The following KNTC1 variants were observed in gnomAD, a reference collection of about 807,000 sequenced individuals.
KNTC1 encodes kinetochore associated 1, also known as kinetochore-associated protein 1.
In KNTC1, 253 loss-of-function variants were observed where a neutral mutation model predicts 314.4. That is an observed-to-expected ratio of 0.80 (90% CI 0.73 to 0.89). The LOEUF is 0.89. KNTC1 is among the 40% of genes least tolerant of loss of function. KNTC1 has a pLI of 0.00. For missense variants in KNTC1, 2,475 were observed against 2,572.9 expected, an observed-to-expected ratio of 0.96 and a Z score of 0.82; for synonymous variants, 901 against 901.4, an observed-to-expected ratio of 1.00 and a Z score of 0.01.
In KNTC1 at chr12:122,551,319, G is replaced by A. The variant is rs761603840; in HGVS notation, c.1087G>A (p.Asp363Asn). The A allele has an allele frequency of 9.6e-5, 149 of 1,556,212 alleles. 2 individuals carry two copies. The South Asian group carries it at 1.7e-3, about 17-fold the overall frequency. Residue 363 changes from aspartate to asparagine, a missense_variant and splice_region_variant, in exon 14 of 64, where the codon GAT becomes AAT. Transcript: ENST00000333479. ...TAATCATGTTTTTTTGTTATTGTAGGATACCATATACCTTTTAGAAGGAGT... is the reference window on the plus strand; with the variant it reads ...TAATCATGTTTTTTTGTTATTGTAGAATACCATATACCTTTTAGAAGGAGT... ...SSLVQTGISTDTIYLLEGVCK... is the reference protein window; with the variant it reads ...SSLVQTGISTNTIYLLEGVCK...
intron 20 of KNTC1, among the ~76,000 whole-genome samples, chr12:122,565,279 G>C (rs1964255045): frequency 7.3e-6 from 1 of 136,282 alleles, no homozygotes; most frequent in Non-Finnish European, 1.6e-5. Flanking sequence ...AGCTATTTCT[G>C]TGGTTTTATT....
chr12:122,619,081 G>A (rs1229748341), intron 59 of KNTC1, among the ~76,000 whole-genome samples: 3 of 148,744 alleles, frequency 2.0e-5, no homozygotes, highest in Admixed American at 6.8e-5. Flanking sequence ...TTTTTGAGAC[G>A]GAGTCTTGCT....
At chr12:122,608,214 A>T (rs2052679408) in intron 51 of KNTC1, among the ~76,000 whole-genome samples, 1 of 152,094 alleles carries the variant, frequency 6.6e-6, no homozygotes, top group Non-Finnish European at 1.5e-5. Flanking sequence ...GGCTCAAGTG[A>T]TTGTCATGCC....
chr12:122,578,306 T>C (rs1965165704), intron 31 of KNTC1, among the ~76,000 whole-genome samples: 1 of 152,170 alleles, frequency 6.6e-6, no homozygotes, highest in Non-Finnish European at 1.5e-5. Flanking sequence ...GAGGTCTTGG[T>C]ATGTTGCCCA....
In KNTC1 at chr12:122,584,892, G is replaced by A; in HGVS notation, c.3437-1G>A. ...AATGATTTTTCTCCATTTTGTTTCA[G>A]ATTTTTTACTAGATGCTTTAGAACT... On this transcript the variant is annotated splice_acceptor_variant, in intron 35 of 63. Transcript: ENST00000333479. LOFTEE classifies it high-confidence loss of function. 6.7e-7 allele frequency: 1 copy of A among 1,494,854 alleles called. No homozygotes were observed. Among genetic ancestry groups the A allele is most frequent in the African/African-American group, 1.4e-5 (1 of 72,224 alleles). The allele number at this position is 1,494,854 out of a possible 1,614,324, so 92.6% of individuals were successfully genotyped here.
At chr12:122,529,946 A>G in intron 1 of KNTC1, 45 bp from the exon 2 acceptor site, 1 of 1,109,648 alleles carries the variant, frequency 9.0e-7, no homozygotes, top group East Asian at 2.6e-5. Flanking sequence ...TTGTTTTGTG[A>G]GTAAGCTTTA....
chr12:122,614,269 C>T (rs1206211619), intron 55 of KNTC1, among the ~76,000 whole-genome samples: 1 of 152,178 alleles, frequency 6.6e-6, no homozygotes, highest in Non-Finnish European at 1.5e-5. Context: ...AAAGTCATCC[C>T]TGCCAACCAG....
intron 42 of KNTC1, among the ~76,000 whole-genome samples, chr12:122,592,621 C>G (rs1241985613): frequency 6.6e-6 from 1 of 152,140 alleles, no homozygotes; most frequent in Non-Finnish European, 1.5e-5. Flanking sequence ...TCTGGTGGGG[C>G]CTTGGAGAAC....
chr12:122,599,263 C>G (rs903344863), intron 44 of KNTC1, among the ~76,000 whole-genome samples: 3 of 151,704 alleles, frequency 2.0e-5, no homozygotes, highest in Non-Finnish European at 4.4e-5. Context: ...CTGGCTTCTG[C>G]TCAGTATTTG....
intron 51 of KNTC1, 61 bp from the exon 52 acceptor site, chr12:122,609,323 G>T: frequency 5.3e-6 from 5 of 946,174 alleles, no homozygotes; most frequent in Non-Finnish European, 8.2e-6. Flanking sequence ...TCAGAGAGAT[G>T]AATGTTTGTT....
rs377204060 is a variant in KNTC1 at position 122,573,187 on chromosome 12, G to T, written c.2185G>T (p.Ala729Ser). Residue 729 changes from alanine (A) to serine (S), a missense_variant, in exon 26 of 64, where the codon GCC becomes TCC. Physicochemically the swap from Ala to Ser is moderately conservative, Grantham distance 99. Coordinates refer to ENST00000333479, the MANE Select transcript of KNTC1 (RefSeq NM_014708.6). ...IVFRMFDKVL[A>S]PELIPSILEK... ...GTTCCGAATGTTTGATAAAGTGCTGGCCCCAGAGCTTATTCCCTCCATCTT... is the reference window on the plus strand; with the variant it reads ...GTTCCGAATGTTTGATAAAGTGCTGTCCCCAGAGCTTATTCCCTCCATCTT... 4 of 1,613,710 alleles carry T rather than the reference G, an allele frequency of 2.5e-6. No homozygotes were observed. The African/African-American group carries it at 4.0e-5, about 16-fold the overall frequency.
At chr12:122,604,168 C>G (rs1414954040) in intron 48 of KNTC1, among the ~76,000 whole-genome samples, 2 of 100,348 alleles carry the variant, frequency 2.0e-5, no homozygotes, top group African/African-American at 7.9e-5. Flanking sequence ...CCCCGGTGGG[C>G]TTTTTTTTTT....
chr12:122,600,708 C>T (rs1871755723), intron 44 of KNTC1, among the ~76,000 whole-genome samples: 2 of 150,660 alleles, frequency 1.3e-5, no homozygotes, highest in East Asian at 1.9e-4. Flanking sequence ...TTCTTTTGTT[C>T]AGCCTGGAGA....
At chr12:122,560,669 G>T (rs1449287378) in intron 18 of KNTC1, among the ~76,000 whole-genome samples, 1 of 152,176 alleles carries the variant, frequency 6.6e-6, no homozygotes, top group African/African-American at 2.4e-5. Context: ...ACCACACTGG[G>T]CCCTAATTCT....
chr12:122,618,414 A>T lies in KNTC1; in HGVS notation c.6085+17A>T, dbSNP rs571660681. 1 of 1,613,708 alleles carries T rather than the reference A, an allele frequency of 6.2e-7. No individual in the cohort carries two copies. The highest frequency in any genetic ancestry group is 8.5e-7 in the Non-Finnish European group (1 of 1,179,698). On this transcript the variant is annotated intron_variant, in intron 58 of 63. Transcript: ENST00000333479. The stretch of plus-strand genomic sequence containing the variant: ...TGCTTTCAGGTATTTCGCTCTCTGA[A>T]ACATTGGCTACAGCATTTTATAGTT...
intron 53 of KNTC1, among the ~76,000 whole-genome samples, chr12:122,612,401 T>C (rs1372502877): frequency 1.4e-5 from 1 of 73,876 alleles, no homozygotes; most frequent in African/African-American, 3.0e-5. Flanking sequence ...TCTTTGGTTT[T>C]CTTTTTCTTT....
At chr12:122,609,275 CAT>C (rs1281801626) in intron 51 of KNTC1, 107 bp from the exon 52 acceptor site, 5 of 713,046 alleles carry the variant, frequency 7.0e-6, no homozygotes, top group Admixed American at 5.7e-5. Flanking sequence ...TCAATGTAAA[CAT>C]AATATCGTAT....
At chr12:122,590,782 TG>T (rs753507538) in intron 41 of KNTC1, 47 bp downstream of exon 41, 16 of 1,564,788 alleles carry the variant, frequency 1.0e-5, no homozygotes, top group African/African-American at 9.6e-5. Flanking sequence ...TATTCAAGAT[TG>T]GGGGGGAGAA....
At chr12:122,589,966 G>A (rs1869948926) in intron 40 of KNTC1, among the ~76,000 whole-genome samples, 1 of 151,660 alleles carries the variant, frequency 6.6e-6, no homozygotes, top group Non-Finnish European at 1.5e-5. Flanking sequence ...GGTATTTTTA[G>A]TAGAGACCGG....
Sources: allele counts gnomAD v4.1 joint callset (sites outside exome capture counted in the v4.1 genomes callset), GRCh38; gene constraint gnomAD v4.1.1; transcripts MANE v1.5; gene names NCBI Gene and HGNC (gene_info 2026-07-23, HGNC 2026-07-21).